Variants in NBEA observed in about 807,000 individuals in gnomAD.
NBEA encodes neurobeachin.
Under a neutral mutation model 343.4 loss-of-function variants are expected in NBEA, and 44 were observed. The ratio of observed to expected loss-of-function variants is 0.13; its 90% CI spans 0.10 to 0.16. The LOEUF (loss-of-function observed/expected upper bound fraction) is 0.16. Ranked by LOEUF, NBEA falls within the 10% of genes least tolerant of loss-of-function variation. NBEA has a pLI of 1.00. For missense variants in NBEA, 2,555 were observed against 3,631.3 expected (o/e 0.70, Z 7.62); for synonymous variants, 1,175 against 1,238.7 (o/e 0.95, Z 1.08).
Position 35,159,648 on chromosome 13 carries a change from T to A in NBEA, c.3477T>A (p.Leu1159=). The A allele has an allele frequency of 6.2e-7, 1 of 1,611,116 alleles. No individual in the cohort carries two copies. Among genetic ancestry groups the A allele is most frequent in the Non-Finnish European group, 8.5e-7 (1 of 1,178,694 alleles). Reference sequence around the variant, plus strand: ...TACCCAAACAGGAGGAAAAACTACTTCCTGAACTTTCTAGCAATCACATTA... The same window carrying A: ...TACCCAAACAGGAGGAAAAACTACTACCTGAACTTTCTAGCAATCACATTA... ...DKIPKQEEKL[L]PELSSNHIIP... is the part of the protein sequence containing the mutation. Residue 1159 remains leucine, a synonymous_variant, in exon 22 of 59, where the codon CTT becomes CTA. Coordinates refer to ENST00000379939, the MANE Select transcript of NBEA (RefSeq NM_001385012.1).
chr13:35,064,995 G>T (rs956887632), intron 8 of NBEA, among the ~76,000 whole-genome samples: 1 of 149,326 alleles, frequency 6.7e-6, no homozygotes. Flanking sequence ...TGTTGTGAGC[G>T]CACACAGTCA....
chr13:35,280,611 T>C (rs185078338), intron 34 of NBEA, among the ~76,000 whole-genome samples: 52 of 152,266 alleles, frequency 3.4e-4, no homozygotes, highest in African/African-American at 7.5e-4. Context: ...AACTGATCAA[T>C]GTAACTACCT....
chr13:35,247,307 C>T (rs1468016935), intron 34 of NBEA, among the ~76,000 whole-genome samples: 1 of 152,164 alleles, frequency 6.6e-6, no homozygotes, highest in Non-Finnish European at 1.5e-5. Flanking sequence ...CAGGAAACTT[C>T]ACATTCATTT....
At chr13:35,606,375 C>G in intron 47 of NBEA, 51 bp from the exon 48 acceptor site, 1 of 1,087,460 alleles carries the variant, frequency 9.2e-7, no homozygotes, top group Non-Finnish European at 1.2e-6. Flanking sequence ...TAGTTTTATT[C>G]AACTGATTTT....
chr13:35,020,903 C>T (rs1363798318), intron 1 of NBEA, among the ~76,000 whole-genome samples: 2 of 152,014 alleles, frequency 1.3e-5, no homozygotes, highest in Non-Finnish European at 2.9e-5. Flanking sequence ...GTTGAAATTT[C>T]AACAAAAATT....
intron 41 of NBEA, among the ~76,000 whole-genome samples, chr13:35,503,873 C>T (rs1169478347): frequency 6.6e-6 from 1 of 152,054 alleles, no homozygotes; most frequent in Non-Finnish European, 1.5e-5. Flanking sequence ...TCTTCGTGCT[C>T]TATAGCTTGT....
Position 35,618,528 on chromosome 13 carries a change from T to G in NBEA, c.7450-9553T>G, listed in dbSNP as rs190403240. On this transcript the variant is annotated intron_variant, in intron 48 of 58. Transcript: ENST00000379939. ...TGTAAATACAGTGCCAAGAGTTATG[T>G]TTCGCTGTGAAATACAAAGTTTACT... Among the ~76,000 whole-genome samples, 712 of 106,900 alleles carry G rather than the reference T, an allele frequency of 6.7e-3. 8 individuals are homozygous for G. Among genetic ancestry groups the G allele is most frequent in the African/African-American group, 0.027 (676 of 25,012 alleles). 70.1% of individuals were successfully genotyped at this position (106,900 alleles called of 152,430 possible). A position where few individuals can be genotyped will look rare whatever the true frequency, so the allele number is the denominator to read the frequency against.
At chr13:34,974,975 A>G (rs1350632078) in intron 1 of NBEA, among the ~76,000 whole-genome samples, 1 of 152,200 alleles carries the variant, frequency 6.6e-6, no homozygotes, top group Non-Finnish European at 1.5e-5. Context: ...ACCCGGTAGT[A>G]GCTCATGCAT....
At chr13:35,379,469 T>C (rs141158111) in intron 38 of NBEA, among the ~76,000 whole-genome samples, 1 of 152,292 alleles carries the variant, frequency 6.6e-6, no homozygotes, top group East Asian at 1.9e-4. Flanking sequence ...GTTTGATATA[T>C]ATATTGCAAA....
chr13:35,080,157 G>C (rs1479951569), intron 10 of NBEA, among the ~76,000 whole-genome samples: 2 of 152,030 alleles, frequency 1.3e-5, no homozygotes, highest in African/African-American at 4.8e-5. Flanking sequence ...GAGTATAGGG[G>C]TCATGTACCA....
intron 38 of NBEA, among the ~76,000 whole-genome samples, chr13:35,360,394 A>G (rs1423836027): frequency 1.3e-5 from 2 of 151,990 alleles, no homozygotes. Flanking sequence ...ACAAAAATAA[A>G]CAAACATCCT....
At chr13:35,241,790 C>T (rs2030334862) in intron 34 of NBEA, among the ~76,000 whole-genome samples, 1 of 151,862 alleles carries the variant, frequency 6.6e-6, no homozygotes, top group Admixed American at 6.6e-5. Context: ...GACAGAGCTA[C>T]TCAAAACGTT....
At chr13:35,052,954 G>T (rs1189758406) in intron 6 of NBEA, among the ~76,000 whole-genome samples, 1 of 151,888 alleles carries the variant, frequency 6.6e-6, no homozygotes, top group Non-Finnish European at 1.5e-5. Flanking sequence ...AGCCATCTTA[G>T]ACTCCCATCT....
intron 16 of NBEA, among the ~76,000 whole-genome samples, chr13:35,119,600 A>T (rs1216558590): frequency 6.6e-6 from 1 of 151,998 alleles, no homozygotes; most frequent in Non-Finnish European, 1.5e-5. Context: ...TCTTTTTGAG[A>T]CAGAGTCTTG....
chr13:35,335,108 G>A (rs572210835), intron 36 of NBEA, among the ~76,000 whole-genome samples: 59 of 152,094 alleles, frequency 3.9e-4, no homozygotes, highest in Non-Finnish European at 7.2e-4. Context: ...TTATTAAAGA[G>A]ATTGTCTTTC....
chr13:35,630,782 A>G (rs1003645154), intron 49 of NBEA, among the ~76,000 whole-genome samples: 1 of 152,126 alleles, frequency 6.6e-6, no homozygotes, highest in African/African-American at 2.4e-5. Context: ...AGCACACATC[A>G]GCAGAGAGGT....
At chr13:35,131,337 A>G (rs910621024) in intron 17 of NBEA, among the ~76,000 whole-genome samples, 1 of 152,178 alleles carries the variant, frequency 6.6e-6, no homozygotes, top group African/African-American at 2.4e-5. Flanking sequence ...TGAGTCTATC[A>G]GTTACTTTTT....
chr13:35,160,790 G>C (rs891886774), intron 22 of NBEA, among the ~76,000 whole-genome samples: 4 of 152,112 alleles, frequency 2.6e-5, no homozygotes, highest in African/African-American at 9.7e-5. Flanking sequence ...TAATTGTTGA[G>C]CTCTGAGTTA....
chr13:34,991,323 A>C (rs1294682498), intron 1 of NBEA, among the ~76,000 whole-genome samples: 5 of 152,206 alleles, frequency 3.3e-5, no homozygotes, highest in African/African-American at 1.2e-4. Flanking sequence ...TGAAGAAAAG[A>C]GGTTTAATTG....
Sources: allele counts gnomAD v4.1 joint callset (sites outside exome capture counted in the v4.1 genomes callset), GRCh38; gene constraint gnomAD v4.1.1; transcripts MANE v1.5; gene names NCBI Gene and HGNC (gene_info 2026-07-23, HGNC 2026-07-21).